The following FARS2 variants were observed in gnomAD, a reference collection of about 807,000 sequenced individuals.
The protein encoded by FARS2 is phenylalanyl-tRNA synthetase 2, mitochondrial, also known as phenylalanine--tRNA ligase, mitochondrial.
In FARS2, 40 loss-of-function variants were observed where a neutral mutation model predicts 46.4. That is an observed-to-expected ratio of 0.86 (90% CI 0.67 to 1.12). FARS2 has a LOEUF of 1.12. Ranked by LOEUF, FARS2 falls within the 50% of genes most tolerant of loss-of-function variation. FARS2 has a pLI of 0.00. For missense variants in FARS2, 513 were observed against 567.9 expected (o/e 0.90, Z 0.98); for synonymous variants, 234 against 214.9 (o/e 1.09, Z -0.78).
At chr6:5,541,007 C>T (rs35692261) in intron 4 of FARS2, among the ~76,000 whole-genome samples, 12,147 of 152,172 alleles carry the variant, frequency 0.08, 1,566 homozygotes, top group African/African-American at 0.27. Flanking sequence ...TATTTTCTTT[C>T]CCAGTCATAA....
chr6:5,681,093 C>CCAG (rs1361581678), intron 6 of FARS2, among the ~76,000 whole-genome samples: 2 of 152,180 alleles, frequency 1.3e-5, no homozygotes, highest in Admixed American at 1.3e-4. Flanking sequence ...AGTGCCCATA[C>CCAG]CCTTGATCTG....
chr6:5,761,551 G>A (rs1762477693), intron 6 of FARS2, among the ~76,000 whole-genome samples: 1 of 152,210 alleles, frequency 6.6e-6, no homozygotes, highest in Admixed American at 6.5e-5. Flanking sequence ...CGACACGATT[G>A]GGAGGCTGCC....
intron 6 of FARS2, among the ~76,000 whole-genome samples, chr6:5,704,870 T>C (rs1295802669): frequency 6.6e-6 from 1 of 152,234 alleles, no homozygotes; most frequent in Non-Finnish European, 1.5e-5. Context: ...GGAATTCTGT[T>C]AAATAGTTTC....
chr6:5,329,094 G>T (rs191785182), intron 1 of FARS2, among the ~76,000 whole-genome samples: 1 of 151,198 alleles, frequency 6.6e-6, no homozygotes, highest in Non-Finnish European at 1.5e-5. Context: ...TAGCCTGCTC[G>T]ATCTCTAAAG....
At chr6:5,582,960 T>G (rs1773419920) in intron 5 of FARS2, among the ~76,000 whole-genome samples, 1 of 151,920 alleles carries the variant, frequency 6.6e-6, no homozygotes, top group South Asian at 2.1e-4. Context: ...GACATTTGAG[T>G]TGTATTAAAA....
At chr6:5,709,731 T>TGTGGG (rs70975923) in intron 6 of FARS2, among the ~76,000 whole-genome samples, 1 of 132,388 alleles carries the variant, frequency 7.6e-6, no homozygotes, top group Admixed American at 7.0e-5. Flanking sequence ...GGGGTGGGGT[T>TGTGGG]GTGTGTGTGT....
intron 6 of FARS2, among the ~76,000 whole-genome samples, chr6:5,707,671 G>A (rs1409301626): frequency 1.3e-5 from 2 of 152,192 alleles, no homozygotes; most frequent in African/African-American, 4.8e-5. Flanking sequence ...GAGGGGAAGG[G>A]CAAATCTGAG....
At chr6:5,605,931 G>A (rs1465505053) in intron 5 of FARS2, among the ~76,000 whole-genome samples, 1 of 152,168 alleles carries the variant, frequency 6.6e-6, no homozygotes, top group Non-Finnish European at 1.5e-5. Flanking sequence ...AAAAGCAGAT[G>A]AGACTACTAG....
At chr6:5,313,672 A>T (rs1218395991) in intron 1 of FARS2, among the ~76,000 whole-genome samples, 1 of 152,100 alleles carries the variant, frequency 6.6e-6, no homozygotes, top group African/African-American at 2.4e-5. Context: ...GCCTAGGTGG[A>T]GCCTTAGATG....
At chr6:5,341,188 GAT>G (rs869067569) in intron 1 of FARS2, among the ~76,000 whole-genome samples, 82 of 34,196 alleles carry the variant, frequency 2.4e-3, no homozygotes, top group Non-Finnish European at 2.8e-3. Flanking sequence ...GCCATGGGGA[GAT>G]ATATATATAT....
At chr6:5,261,380 C>T (rs1239194153), upstream of FARS2, 1 of 152,736 alleles carries the variant, frequency 6.5e-6, no homozygotes, top group Non-Finnish European at 1.5e-5. Context: ...TCGCCTGATC[C>T]TGGTCGGCAG....
At chr6:5,669,564 T>A (rs1003234775) in intron 6 of FARS2, among the ~76,000 whole-genome samples, 1 of 152,162 alleles carries the variant, frequency 6.6e-6, no homozygotes, top group African/African-American at 2.4e-5. Flanking sequence ...TGTGTTGCTC[T>A]TTTCCCTGAT....
chr6:5,262,636 A>G (rs1488101138), intron 1 of FARS2, among the ~76,000 whole-genome samples: 1 of 152,166 alleles, frequency 6.6e-6, no homozygotes, highest in Non-Finnish European at 1.5e-5. Context: ...ACCATTCTTT[A>G]GTGTACTTGC....
At chr6:5,510,203 G>A (rs1768354235) in intron 4 of FARS2, among the ~76,000 whole-genome samples, 1 of 151,788 alleles carries the variant, frequency 6.6e-6, no homozygotes, top group South Asian at 2.1e-4. Context: ...TTTTTTTTTA[G>A]TTCAGTGATT....
intron 1 of FARS2, among the ~76,000 whole-genome samples, chr6:5,328,108 A>G (rs1279755475): frequency 6.6e-6 from 1 of 152,192 alleles, no homozygotes; most frequent in African/African-American, 2.4e-5. Flanking sequence ...TGATCTTAAT[A>G]GATTTTTGAT....
chr6:5,379,475 GTATT>G (rs1217553566), intron 2 of FARS2, among the ~76,000 whole-genome samples: 10 of 152,168 alleles, frequency 6.6e-5, no homozygotes, highest in Admixed American at 4.6e-4. Context: ...GAGTCCAGAA[GTATT>G]ATCTATAAGG....
chr6:5,339,758 A>G (rs924785709), intron 1 of FARS2, among the ~76,000 whole-genome samples: 1 of 152,202 alleles, frequency 6.6e-6, no homozygotes, highest in African/African-American at 2.4e-5. Flanking sequence ...TCAAACAGAT[A>G]GTGGTAAGAA....
At chr6:5,594,026 A>G (rs1447824443) in intron 5 of FARS2, among the ~76,000 whole-genome samples, 3 of 152,214 alleles carry the variant, frequency 2.0e-5, no homozygotes, top group Non-Finnish European at 4.4e-5. Context: ...CCTTCCTGAC[A>G]TTGATTCCCA....
At chr6:5,755,581 A>G (rs533325769) in intron 6 of FARS2, among the ~76,000 whole-genome samples, 1 of 152,314 alleles carries the variant, frequency 6.6e-6, no homozygotes, top group Non-Finnish European at 1.5e-5. Flanking sequence ...AATTGTTTAA[A>G]TTCATTTTCA....
Sources: gnomAD v4.1 joint callset for allele counts (sites outside exome capture counted in the v4.1 genomes callset) on GRCh38, gnomAD v4.1.1 for gene constraint, MANE v1.5 for transcripts, NCBI Gene and HGNC (gene_info 2026-07-23, HGNC 2026-07-21) for gene names.